Variants in SPTA1 observed in about 807,000 individuals in gnomAD.
SPTA1 encodes the protein spectrin alpha, erythrocytic 1.
A neutral mutation model predicts 324.7 loss-of-function variants in SPTA1; 177 were observed. The ratio of observed to expected loss-of-function variants is 0.55; its 90% confidence interval spans 0.48 to 0.62. The LOEUF (loss-of-function observed/expected upper bound fraction) is 0.62. Among genes scored for constraint, SPTA1 ranks in the 20% least tolerant of loss-of-function variants. The pLI is 0.00. For missense variants in SPTA1, 3,162 were observed against 2,883.6 expected, an observed-to-expected ratio of 1.10 and a Z score of -2.21; for synonymous variants, 1,195 against 1,041.3, an observed-to-expected ratio of 1.15 and a Z score of -2.84.
intron 12 of SPTA1, among the ~76,000 whole-genome samples, chr1:158,670,745 T>C (rs564040465): frequency 2.0e-5 from 3 of 152,176 alleles, no homozygotes; most frequent in East Asian, 3.9e-4. Context: ...TCTGTAGTCA[T>C]ATATGATGAA....
rs368058363 is a variant in SPTA1, at chr1:158,638,955, T to A, written c.4980+627A>T. Among the ~76,000 whole-genome samples the A allele has an allele frequency of 4.6e-5, 7 of 152,226 alleles. No homozygotes were observed. In the East Asian group the frequency reaches 1.4e-3, roughly 29 times the overall value. ...ATTGAACACATCTATCTCTTCTGTGTCTACTCCTATTCTAACCCAGCCCCT... is the reference window on the plus strand; with the variant it reads ...ATTGAACACATCTATCTCTTCTGTGACTACTCCTATTCTAACCCAGCCCCT... On this transcript the variant is annotated intron_variant, in intron 35 of 51. Transcript: ENST00000643759.
intron 39 of SPTA1, among the ~76,000 whole-genome samples, chr1:158,632,469 A>G (rs1650748214): frequency 6.6e-6 from 1 of 152,222 alleles, no homozygotes; most frequent in African/African-American, 2.4e-5. Context: ...AAACAAATCA[A>G]AATGAACAAA....
At position 158,623,059 on chromosome 1, in the gene SPTA1, T is replaced by C. The variant is rs1400842675; in HGVS notation, c.6044A>G (p.Lys2015Arg). 1 of 1,614,196 alleles carries C rather than the reference T, an allele frequency of 6.2e-7. No individual in the cohort carries two copies. Among genetic ancestry groups the C allele is most frequent in the Admixed American group, 1.7e-5 (1 of 60,024 alleles). Reference sequence around the variant, plus strand: ...GGCTTCCAGCAACTGTTCCCAGCGCTTCAGCAGAGCGGCATAACGCTCTTC... The same window carrying C: ...GGCTTCCAGCAACTGTTCCCAGCGCCTCAGCAGAGCGGCATAACGCTCTTC... ...AIEERYAALL[K>R]RWEQLLEASA... Residue 2015 changes from lysine to arginine, a missense_variant, in exon 43 of 52, where the codon AAG (lysine) becomes AGG (arginine). Physicochemically the swap from Lys to Arg is conservative, Grantham distance 26 (BLOSUM62 2). Coordinates refer to ENST00000643759, the MANE Select transcript of SPTA1 (RefSeq NM_003126.4).
intron 39 of SPTA1, among the ~76,000 whole-genome samples, chr1:158,633,133 T>C (rs1160492840): frequency 6.6e-6 from 1 of 152,162 alleles, no homozygotes; most frequent in Non-Finnish European, 1.5e-5. Flanking sequence ...CTTATAGAAA[T>C]GTAGAACAGA....
Position 158,645,000 on chromosome 1 carries a change from A to G in SPTA1, c.4194+188T>C, listed in dbSNP as rs112633460. Reference sequence around the variant, plus strand: ...ACCATCTTGTTTGGCTCTTCTAACAAGAAAGAGCAGAGAATATGACAATGA... The same window carrying G: ...ACCATCTTGTTTGGCTCTTCTAACAGGAAAGAGCAGAGAATATGACAATGA... On this transcript the variant is annotated intron_variant, in intron 29 of 51. Coordinates refer to ENST00000643759, the MANE Select transcript of SPTA1 (RefSeq NM_003126.4). 9.5e-3 allele frequency among the ~76,000 whole-genome samples: 1,444 copies of G among 152,294 alleles called. 20 individuals carry two copies. Among genetic ancestry groups the G allele is most frequent in the African/African-American group, 0.033 (1,375 of 41,556 alleles).
chr1:158,675,991 C>T (rs1654366067), intron 8 of SPTA1, 150 bp downstream of exon 8: 2 of 1,018,208 alleles, frequency 2.0e-6, no homozygotes, highest in African/African-American at 3.2e-5. Context: ...AAAGGACTTC[C>T]TTTGGCAACT....
chr1:158,647,571 G>A lies in SPTA1; in HGVS notation c.3864C>T (p.Ala1288=), dbSNP rs778161034. 3 of 1,613,434 alleles carry A rather than the reference G, an allele frequency of 1.9e-6. No homozygotes were observed. The highest frequency in any genetic ancestry group is 2.5e-6 in the Non-Finnish European group (3 of 1,179,874). The change falls in exon 27 of 52, where the codon GCC becomes GCT. Residue 1288 remains alanine (A), a synonymous_variant. Coordinates refer to ENST00000643759, the MANE Select transcript of SPTA1 (RefSeq NM_003126.4). ...TKDRKESLNE[A]QKFYLFLSKA... Reference sequence around the variant, plus strand: ...TGCTGAGGAACAGGTAGAATTTCTGGGCCTCATTTAGGCTCTCCTTACGAT... The same window carrying A: ...TGCTGAGGAACAGGTAGAATTTCTGAGCCTCATTTAGGCTCTCCTTACGAT...
At chr1:158,618,018 A>G in intron 46 of SPTA1, 21 bp downstream of exon 46, 1 of 1,607,496 alleles carries the variant, frequency 6.2e-7, no homozygotes. Context: ...AGCAAACATG[A>G]TGATAACATA....
At chr1:158,635,680 T>C (rs77302741) in intron 38 of SPTA1, among the ~76,000 whole-genome samples, 130 of 152,344 alleles carry the variant, frequency 8.5e-4, no homozygotes, top group African/African-American at 3.0e-3. Context: ...TAAAAGACAG[T>C]TGCATGTAAA....
intron 22 of SPTA1, 44 bp from the exon 23 acceptor site, chr1:158,652,697 T>C: frequency 6.2e-7 from 1 of 1,604,540 alleles, no homozygotes; most frequent in Non-Finnish European, 8.5e-7. Context: ...AAGGAGAAAA[T>C]ACAGAAGAGT....
chr1:158,667,837 A>G (rs1053433889), intron 15 of SPTA1, 21 bp downstream of exon 15: 9 of 1,612,430 alleles, frequency 5.6e-6, no homozygotes, highest in African/African-American at 1.3e-5. Flanking sequence ...ATGACCTTTC[A>G]CCAAAACCTC....
At chr1:158,626,334 G>A (rs1650266571) in intron 41 of SPTA1, 112 bp from the exon 42 acceptor site, 2 of 993,264 alleles carry the variant, frequency 2.0e-6, no homozygotes, top group Admixed American at 4.0e-5. Flanking sequence ...GACTCTCAAA[G>A]TTGATGATTA....
intron 16 of SPTA1, among the ~76,000 whole-genome samples, chr1:158,665,755 A>T (rs2101899053): frequency 6.6e-6 from 1 of 152,328 alleles, no homozygotes; most frequent in Non-Finnish European, 1.5e-5. Flanking sequence ...TTTTAAAAAA[A>T]TGTAGGATTT....
chr1:158,630,578 G>T (rs1332609985), intron 39 of SPTA1, among the ~76,000 whole-genome samples: 1 of 151,852 alleles, frequency 6.6e-6, no homozygotes, highest in Non-Finnish European at 1.5e-5. Context: ...TACTGGTCTT[G>T]GCAATGATTA....
In SPTA1 at chr1:158,634,581, C is replaced by T. The variant is rs373183356; in HGVS notation, c.5527G>A (p.Val1843Ile). 1.9e-6 allele frequency: 3 copies of T among 1,613,996 alleles called. No individual in the cohort carries two copies. The African/African-American group carries it at 4.0e-5, about 22-fold the overall frequency. Reference protein sequence around the residue: ...AWINEKNALAVRGDCGDTLAA... With the variant: ...AWINEKNALAIRGDCGDTLAA... ...AATGTATCTCCACAATCTCCTCGGA[C>T]AGCCAAAGCATTCTTTTCATTGATC... Residue 1843 changes from valine (V) to isoleucine (I), a missense_variant, in exon 39 of 52, where the codon GTC becomes ATC. Coordinates refer to ENST00000643759, the MANE Select transcript of SPTA1 (RefSeq NM_003126.4).
At chr1:158,623,595 C>T (rs896634569) in intron 42 of SPTA1, among the ~76,000 whole-genome samples, 3 of 152,100 alleles carry the variant, frequency 2.0e-5, no homozygotes, top group African/African-American at 7.2e-5. Flanking sequence ...TTATAAGGGG[C>T]TTTTCCCCCT....
rs768168428 is a variant in SPTA1 at position 158,666,352 on chromosome 1, T to C, written c.2184A>G (p.Lys728=). 9 of 1,613,898 alleles carry C rather than the reference T, an allele frequency of 5.6e-6. No individual in the cohort carries two copies. Among genetic ancestry groups the C allele is most frequent in the Admixed American group, 1.7e-5 (1 of 59,984 alleles). Residue 728 remains lysine, a synonymous_variant, in exon 16 of 52, where the codon AAA becomes AAG. Coordinates refer to ENST00000643759, the MANE Select transcript of SPTA1 (RefSeq NM_003126.4). ...CCACAGCCGACTCCAGGAGGCCGTG[T>C]TTCCTGAGTCGATTCTGTACCTCGG... The part of the protein sequence containing the change: ...GLAEVQNRLR[K]HGLLESAVAA...
chr1:158,647,472 TGTACCCAGACTGCTCCCAGACA>T, intron 27 of SPTA1, 45 bp downstream of exon 27: 5 of 1,597,250 alleles, frequency 3.1e-6, no homozygotes, highest in Non-Finnish European at 4.3e-6. Flanking sequence ...GAACAGCATC[TGTACCCAGACTGCTCCCAGACA>T]GTCTACTTAG....
At chr1:158,611,564 T>C (rs1571363912) in intron 51 of SPTA1, 175 bp from the exon 52 acceptor site, 2 of 625,826 alleles carry the variant, frequency 3.2e-6, no homozygotes, top group Non-Finnish European at 5.3e-6. Context: ...AATGAGTAAC[T>C]TAACTTTTAA....
Sources: allele counts gnomAD v4.1 joint callset (sites outside exome capture counted in the v4.1 genomes callset), GRCh38; gene constraint gnomAD v4.1.1; transcripts MANE v1.5; gene names NCBI Gene and HGNC (gene_info 2026-07-23, HGNC 2026-07-21).